Variants in KLHL14 observed in about 807,000 individuals in gnomAD.
The protein encoded by KLHL14 is kelch like family member 14.
KLHL14 carries 22 observed loss-of-function variants against 64.3 expected under a neutral mutation model. That is an observed-to-expected ratio of 0.34 (90% CI 0.24 to 0.49). KLHL14 has a LOEUF of 0.49. Among genes scored for constraint, KLHL14 ranks in the 20% least tolerant of loss-of-function variants. The pLI is 0.99. For synonymous variants in KLHL14, 322 were observed against 333.4 expected (o/e 0.97, Z 0.37); for missense variants, 661 against 789.0 (o/e 0.84, Z 1.94).
chr18:32,761,422 G>A (rs2050313530), intron 2 of KLHL14, among the ~76,000 whole-genome samples: 1 of 126,024 alleles, frequency 7.9e-6, no homozygotes, highest in African/African-American at 3.4e-5. Flanking sequence ...TAAGTTCCTG[G>A]AAGGTGCCAA....
chr18:32,745,217 G>C (rs533252870), intron 2 of KLHL14: 1 of 150,184 alleles, frequency 6.7e-6, no homozygotes, highest in African/African-American at 2.4e-5. Context: ...ATTTTACTTA[G>C]AGTATTTTTT....
chr18:32,687,316 A>G, intron 4 of KLHL14, 83 bp from the exon 5 acceptor site: 1 of 1,075,050 alleles, frequency 9.3e-7, no homozygotes, highest in African/African-American at 1.6e-5. Flanking sequence ...AGACGTCTCT[A>G]TTCTCAGGTT....
Position 32,687,155 on chromosome 18 carries a change from C to T in KLHL14, c.1238G>A (p.Arg413Lys). The T allele has an allele frequency of 1.2e-6, 2 of 1,612,408 alleles. No homozygotes were observed. The highest frequency in any genetic ancestry group is 1.7e-6 in the Non-Finnish European group (2 of 1,178,474). ...TCAGGTGCAAGAAATAAACACTTAC[C>T]TTTCCTGCATGGGTGGAAGTTGAAT... is the stretch of plus-strand genomic sequence containing the variant. The part of the protein sequence containing the change: ...SWIQLPPMQE[R>K]RASFYACRLD... The change falls in exon 5 of 9, where the codon AGA becomes AAA. Residue 413 changes from arginine (R) to lysine (K), a missense_variant and splice_region_variant. By Grantham distance (26) the Arg-to-Lys change is conservative. This residue lies in a region of KLHL14 where 330 missense variants were observed against 450.0 expected (regional missense o/e 0.73). Transcript: ENST00000359358.
At chr18:32,759,927 T>G (rs72952005) in intron 2 of KLHL14, among the ~76,000 whole-genome samples, 1 of 152,218 alleles carries the variant, frequency 6.6e-6, no homozygotes, top group Non-Finnish European at 1.5e-5. Flanking sequence ...GCATATGAAA[T>G]AGAAAGTGGT....
intron 3 of KLHL14, among the ~76,000 whole-genome samples, chr18:32,703,956 A>C (rs2049978126): frequency 6.6e-6 from 1 of 151,906 alleles, no homozygotes; most frequent in African/African-American, 2.4e-5. Flanking sequence ...TCAATGAAAC[A>C]CTCTAGAGCT....
chr18:32,675,001 T>G (rs947044633), intron 8 of KLHL14, among the ~76,000 whole-genome samples: 14 of 152,182 alleles, frequency 9.2e-5, no homozygotes, highest in East Asian at 1.9e-4. Context: ...AAAAATTTTT[T>G]TGTGTGTGTG....
chr18:32,772,292 A>G, intron 1 of KLHL14: 1 of 361,798 alleles, frequency 2.8e-6, no homozygotes, highest in Admixed American at 2.9e-5. Flanking sequence ...TTCCAGGTGG[A>G]CCCTACCCTC....
At chr18:32,758,178 A>T (rs2050292438) in intron 2 of KLHL14, among the ~76,000 whole-genome samples, 1 of 151,868 alleles carries the variant, frequency 6.6e-6, no homozygotes, top group Non-Finnish European at 1.5e-5. Context: ...GCTGGAGTGC[A>T]GTGGACCGAT....
chr18:32,692,691 T>G (rs575244857), intron 4 of KLHL14, among the ~76,000 whole-genome samples: 1 of 152,220 alleles, frequency 6.6e-6, no homozygotes, highest in East Asian at 1.9e-4. Flanking sequence ...CAAATACATA[T>G]GTTTACGTGA....
rs1056593812 is a variant in KLHL14, at chr18:32,766,600, G to A, written c.947+3045C>T. ...TAGATCACTAAAACTTATTCTTCCC[G>A]TCTAACTGAAACTTTATATCCTTTG... On this transcript the variant is annotated intron_variant, in intron 2 of 8. Transcript: ENST00000359358. Among the ~76,000 whole-genome samples, 5 of 151,956 alleles carry A rather than the reference G, an allele frequency of 3.3e-5. No individual in the cohort carries two copies. In the East Asian group the frequency reaches 5.8e-4, roughly 18 times the overall value.
At chr18:32,771,385 C>T (rs952810083) in intron 1 of KLHL14, among the ~76,000 whole-genome samples, 3 of 152,182 alleles carry the variant, frequency 2.0e-5, no homozygotes, top group African/African-American at 4.8e-5. Context: ...AATTCGAGCT[C>T]ATTTCCCTCA....
At chr18:32,693,377 T>TACACACACACACAC (rs869067364) in intron 4 of KLHL14, among the ~76,000 whole-genome samples, 16 of 96,652 alleles carry the variant, frequency 1.7e-4, no homozygotes, top group African/African-American at 8.5e-4. Context: ...AAAGGGATCT[T>TACACACACACACAC]ACACACACAC....
chr18:32,772,137 C>A (rs748552987), intron 1 of KLHL14: 2 of 254,342 alleles, frequency 7.9e-6, no homozygotes, highest in South Asian at 4.5e-5. Flanking sequence ...CGGGGGAGAG[C>A]CGCCGCCGCC....
chr18:32,704,924 A>G (rs1444759562), intron 3 of KLHL14, among the ~76,000 whole-genome samples: 1 of 152,222 alleles, frequency 6.6e-6, no homozygotes, highest in Non-Finnish European at 1.5e-5. Context: ...TACTCCAGGT[A>G]GAAGAGCAAT....
chr18:32,710,466 C>A (rs1166266815), intron 3 of KLHL14, among the ~76,000 whole-genome samples: 1 of 152,156 alleles, frequency 6.6e-6, no homozygotes, highest in Non-Finnish European at 1.5e-5. Flanking sequence ...TACTAGCTAA[C>A]AACTGACATT....
At chr18:32,748,375 AT>A (rs35840363) in intron 2 of KLHL14, among the ~76,000 whole-genome samples, 136,172 of 144,892 alleles carry the variant, frequency 0.94, 64,316 homozygotes, top group East Asian at 1. Context: ...GTATTTTTTA[AT>A]TTTTTTTTTT....
chr18:32,718,229 G>C (rs2050056207), intron 3 of KLHL14, among the ~76,000 whole-genome samples: 1 of 152,090 alleles, frequency 6.6e-6, no homozygotes, highest in Non-Finnish European at 1.5e-5. Flanking sequence ...CTATAGAATA[G>C]TATCCAAATG....
rs1463339898 is a variant in KLHL14 at position 32,770,028 on chromosome 18, C to A, written c.564G>T (p.Gln188His). The change falls in exon 2 of 9, where the codon CAG becomes CAT. Residue 188 changes from glutamine to histidine, a missense_variant. Coordinates refer to ENST00000359358, the MANE Select transcript of KLHL14 (RefSeq NM_020805.3). The surrounding 1 kb of genome is among the most constrained non-coding windows in gnomAD (Gnocchi z 6.7). ...NDQISVQNYKQVCKIAALHGL... is the reference protein window; with the variant it reads ...NDQISVQNYKHVCKIAALHGL... ...CGTGCAGCGCGGCGATCTTGCACAC[C>A]TGCTTGTAGTTCTGCACCGAGATCT... 1.9e-6 allele frequency: 3 copies of A among 1,613,958 alleles called. No homozygotes were observed. The highest frequency in any genetic ancestry group is 1.7e-6 in the Non-Finnish European group (2 of 1,180,004).
chr18:32,765,057 C>T (rs1242555274), intron 2 of KLHL14, among the ~76,000 whole-genome samples: 3 of 152,122 alleles, frequency 2.0e-5, no homozygotes, highest in Non-Finnish European at 4.4e-5. Context: ...AGACTTGCCA[C>T]ACTGCCTGGG....
Sources: gnomAD v4.1 joint callset for allele counts (sites outside exome capture counted in the v4.1 genomes callset) on GRCh38, gnomAD v4.1.1 for gene constraint, gnomAD v4.1.1 regional missense constraint, Gnocchi (gnomAD v3.1) non-coding constraint, MANE v1.5 for transcripts, NCBI Gene and HGNC (gene_info 2026-07-23, HGNC 2026-07-21) for gene names.